The following PXDN variants were observed in gnomAD, a reference collection of about 807,000 sequenced individuals.
The protein encoded by PXDN is peroxidasin.
Under a neutral mutation model 140.3 loss-of-function variants are expected in PXDN, and 77 were observed. The observed-to-expected ratio is 0.55, with a 90% CI of 0.46 to 0.66. The LOEUF is 0.66. Among genes scored for constraint, PXDN ranks in the 30% least tolerant of loss-of-function variants. PXDN has a pLI of 0.00. For synonymous variants in PXDN, 911 were observed against 857.4 expected (o/e 1.06, Z -1.09); for missense variants, 1,838 against 2,039.5 (o/e 0.90, Z 1.90).
At position 1,673,882 on chromosome 2, in the gene PXDN, C is replaced by G; in HGVS notation, c.849-70G>C. On this transcript the variant is annotated intron_variant, in intron 8 of 22. Transcript: ENST00000252804. ...AGACGTACCTCACCCATCCCCAGCA[C>G]AGGGGTTTCCAGCCCTGCAGCAGGC... 3.9e-6 allele frequency: 6 copies of G among 1,530,518 alleles called. No homozygotes were observed. In the South Asian group the frequency reaches 4.6e-5, roughly 12 times the overall value. The allele number at this position is 1,530,518 out of a possible 1,614,324, so 94.8% of individuals were successfully genotyped here.
In PXDN at chr2:1,649,820, C is replaced by A; in HGVS notation, c.2105-145G>T. On this transcript the variant is annotated intron_variant, in intron 16 of 22. Coordinates refer to ENST00000252804, the MANE Select transcript of PXDN (RefSeq NM_012293.3). This position sits in a 1 kb window ranked among gnomAD's most constrained non-coding sequence, Gnocchi z 7.1. The stretch of plus-strand genomic sequence containing the variant: ...TTGTGCGCCATGCAACAAGCGCTTC[C>A]TGCTGGAAACCTGCTCACCTCCTGT... 1 of 938,760 alleles carries A rather than the reference C, an allele frequency of 1.1e-6. No individual in the cohort carries two copies. The highest frequency in any genetic ancestry group is 1.6e-6 in the Non-Finnish European group (1 of 611,636). 58.2% of individuals were successfully genotyped at this position (938,760 alleles called of 1,614,324 possible).
chr2:1,720,361 T>G (rs1572191799), intron 1 of PXDN, among the ~76,000 whole-genome samples: 5 of 50,590 alleles, frequency 9.9e-5, no homozygotes, highest in African/African-American at 2.6e-4. Context: ...GAGGGAGGGA[T>G]GCAGAGAGAG....
At position 1,639,952 on chromosome 2, in the gene PXDN, C is replaced by A. The variant is rs952536255; in HGVS notation, c.3953-530G>T. On this transcript the variant is annotated intron_variant, in intron 19 of 22. Coordinates refer to ENST00000252804, the MANE Select transcript of PXDN (RefSeq NM_012293.3). The surrounding 1 kb of genome is among the most constrained non-coding windows in gnomAD (Gnocchi z 5.0). ...TGCCTAGGAGTGGCTTCCTTCTCAA[C>A]CTGTGGTGGACTGAGAAGCCCTCAG... Among the ~76,000 whole-genome samples, 1 of 152,240 alleles carries A rather than the reference C, an allele frequency of 6.6e-6. No homozygotes were observed. Among genetic ancestry groups the A allele is most frequent in the African/African-American group, 2.4e-5 (1 of 41,466 alleles).
At chr2:1,732,512 C>T (rs574037292) in intron 1 of PXDN, among the ~76,000 whole-genome samples, 14 of 152,312 alleles carry the variant, frequency 9.2e-5, no homozygotes, top group Admixed American at 7.8e-4. Flanking sequence ...CCTCATGATT[C>T]ACAGGCAGTT....
intron 16 of PXDN, among the ~76,000 whole-genome samples, chr2:1,650,670 G>A (rs948828507): frequency 1.3e-5 from 2 of 151,980 alleles, no homozygotes; most frequent in East Asian, 3.9e-4. Context: ...CACATGTCAT[G>A]CCTGCCGAAA....
intron 7 of PXDN, among the ~76,000 whole-genome samples, 181 bp downstream of exon 7, chr2:1,680,012 A>G (rs575147978): frequency 1.6e-4 from 22 of 138,348 alleles, no homozygotes; most frequent in Admixed American, 4.4e-4. Flanking sequence ...GTGTGTGTGG[A>G]TGGTGTATGC....
intron 1 of PXDN, among the ~76,000 whole-genome samples, chr2:1,742,399 T>C (rs376903754): frequency 1.3e-5 from 2 of 152,206 alleles, no homozygotes; most frequent in African/African-American, 4.8e-5. Flanking sequence ...ATGTACCCTA[T>C]GAGGAAGTGT....
At chr2:1,729,253 A>C (rs1011839318) in intron 1 of PXDN, among the ~76,000 whole-genome samples, 2 of 152,246 alleles carry the variant, frequency 1.3e-5, no homozygotes, top group African/African-American at 2.4e-5. Flanking sequence ...ATCAAAATGC[A>C]GTCACTCAGC....
intron 7 of PXDN, among the ~76,000 whole-genome samples, chr2:1,679,554 G>T (rs536224860): frequency 7.3e-5 from 10 of 137,028 alleles, no homozygotes; most frequent in African/African-American, 2.7e-4. Context: ...GTCTATAAAT[G>T]GTGTGTGTGT....
At position 1,648,532 on chromosome 2, in the gene PXDN, C is replaced by T. The variant is rs781648121; in HGVS notation, c.3248G>A (p.Arg1083Gln). 13 of 1,613,348 alleles carry T rather than the reference C, an allele frequency of 8.1e-6. No homozygotes were observed. Among genetic ancestry groups the T allele is most frequent in the Admixed American group, 5.0e-5 (3 of 59,998 alleles). ...GHTLVNPLLY[R>Q]LDENFQPIAQ... ...AATGGGCTGGAAGTTCTCGTCCAGC[C>T]GGTAAAGCAGTGGGTTGACAAGCGT... The change falls in exon 17 of 23, where the codon CGG becomes CAG. Residue 1083 changes from arginine to glutamine, a missense_variant. Coordinates refer to ENST00000252804, the MANE Select transcript of PXDN (RefSeq NM_012293.3). This position sits in a 1 kb window ranked among gnomAD's most constrained non-coding sequence, Gnocchi z 8.9.
At chr2:1,735,526 G>A (rs1685409324) in intron 1 of PXDN, among the ~76,000 whole-genome samples, 1 of 152,200 alleles carries the variant, frequency 6.6e-6, no homozygotes, top group Non-Finnish European at 1.5e-5. Context: ...CTTGGGTGAC[G>A]AGATGCATTG....
intron 1 of PXDN, among the ~76,000 whole-genome samples, chr2:1,719,132 G>A (rs76504400): frequency 0.14 from 20,586 of 152,218 alleles, 1,848 homozygotes; most frequent in East Asian, 0.31. Flanking sequence ...CTGGGGCCCT[G>A]CGGCCATGCC....
At chr2:1,671,846 A>T (rs546975237) in intron 9 of PXDN, among the ~76,000 whole-genome samples, 1 of 152,198 alleles carries the variant, frequency 6.6e-6, no homozygotes, top group South Asian at 2.1e-4. Context: ...CTACTACTCA[A>T]CTCTGCCATG....
intron 1 of PXDN, among the ~76,000 whole-genome samples, chr2:1,720,960 G>T (rs73182723): frequency 6.6e-6 from 1 of 152,126 alleles, no homozygotes; most frequent in African/African-American, 2.4e-5. Flanking sequence ...TCCAAAAGCC[G>T]CCTCTGCTGG....
chr2:1,709,468 G>A (rs544069330), intron 1 of PXDN, among the ~76,000 whole-genome samples: 9 of 146,436 alleles, frequency 6.1e-5, no homozygotes, highest in Admixed American at 3.5e-4. Flanking sequence ...GGGGTGCAGC[G>A]GGGCTGGGGT....
chr2:1,678,625 A>G (rs1683787660), intron 7 of PXDN, among the ~76,000 whole-genome samples: 1 of 152,234 alleles, frequency 6.6e-6, no homozygotes, highest in Admixed American at 6.5e-5. Flanking sequence ...AGCATCAGCG[A>G]AAACGACAGG....
intron 15 of PXDN, 148 bp from the exon 16 acceptor site, chr2:1,653,933 G>A: frequency 1.0e-6 from 1 of 964,206 alleles, no homozygotes; most frequent in Non-Finnish European, 1.5e-6. Flanking sequence ...ATCCGAAGTG[G>A]GAGGCAACAA....
chr2:1,675,829 G>A (rs375420046), intron 8 of PXDN, among the ~76,000 whole-genome samples: 5 of 141,240 alleles, frequency 3.5e-5, no homozygotes, highest in African/African-American at 8.8e-5. Flanking sequence ...GTTTGAGCCC[G>A]AGTATCACAG....
intron 1 of PXDN, among the ~76,000 whole-genome samples, chr2:1,741,763 A>C (rs1200867367): frequency 6.6e-6 from 1 of 152,086 alleles, no homozygotes; most frequent in Non-Finnish European, 1.5e-5. Context: ...GTATATTCCC[A>C]ATTTCTACCA....
Sources: gnomAD v4.1 joint callset for allele counts (sites outside exome capture counted in the v4.1 genomes callset) on GRCh38, gnomAD v4.1.1 for gene constraint, Gnocchi (gnomAD v3.1) non-coding constraint, MANE v1.5 for transcripts, NCBI Gene and HGNC (gene_info 2026-07-23, HGNC 2026-07-21) for gene names.